AUTS2: variants seen among roughly 807,000 people sequenced by gnomAD.
The protein encoded by AUTS2 is autism susceptibility gene 2 protein.
AUTS2 carries 17 observed loss-of-function variants against 112.4 expected under a neutral mutation model. The ratio of observed to expected loss-of-function variants is 0.15; its 90% CI spans 0.10 to 0.23. The LOEUF (loss-of-function observed/expected upper bound fraction) is 0.23. Ranked by LOEUF, AUTS2 falls within the 10% of genes least tolerant of loss-of-function variation. The pLI is 1.00. For missense variants in AUTS2, 1,510 were observed against 1,701.6 expected (o/e 0.89, Z 1.98); for synonymous variants, 751 against 702.7 (o/e 1.07, Z -1.09).
intron 2 of AUTS2, among the ~76,000 whole-genome samples, chr7:69,991,050 A>G (rs915563715): frequency 6.6e-6 from 1 of 152,136 alleles, no homozygotes; most frequent in Non-Finnish European, 1.5e-5. Flanking sequence ...GAGACGAGAT[A>G]GCTTGTATTT....
intron 1 of AUTS2, among the ~76,000 whole-genome samples, chr7:69,827,917 G>T (rs1791325279): frequency 6.6e-6 from 1 of 152,176 alleles, no homozygotes; most frequent in African/African-American, 2.4e-5. Flanking sequence ...TTTGCCTCGT[G>T]TCTTTTGTAG....
rs1788791713 is a variant in AUTS2 at position 69,774,098 on chromosome 7, C to T, written c.310-125188C>T. Among the ~76,000 whole-genome samples the T allele has an allele frequency of 2.0e-5, 3 of 152,330 alleles. No homozygotes were observed. In the South Asian group the frequency reaches 6.2e-4, roughly 32 times the overall value. On this transcript the variant is annotated intron_variant, in intron 1 of 18. Transcript: ENST00000342771. The stretch of plus-strand genomic sequence containing the variant: ...CCCACCACCCCATGCTACATGTCAA[C>T]AGGGGTACTGCCTGCTAAGCAAAGA...
intron 2 of AUTS2, among the ~76,000 whole-genome samples, chr7:69,943,790 G>C (rs903295922): frequency 6.6e-6 from 1 of 152,122 alleles, no homozygotes; most frequent in Non-Finnish European, 1.5e-5. Context: ...GGACATAGAA[G>C]AATTTGGGAA....
chr7:70,262,324 G>A (rs1419530920), intron 4 of AUTS2, among the ~76,000 whole-genome samples: 4 of 151,952 alleles, frequency 2.6e-5, no homozygotes, highest in Non-Finnish European at 5.9e-5. Context: ...GGAGTAGCTG[G>A]GATTACAGGC....
intron 1 of AUTS2, among the ~76,000 whole-genome samples, chr7:69,692,060 A>G (rs1797371988): frequency 6.6e-6 from 1 of 152,182 alleles, no homozygotes; most frequent in Non-Finnish European, 1.5e-5. Flanking sequence ...CAGCGGGGCC[A>G]GTGCCTACAA....
intron 2 of AUTS2, among the ~76,000 whole-genome samples, chr7:70,043,593 CTTCCTTCCTTCCTTT>C (rs1322611423): frequency 1.2e-4 from 9 of 74,900 alleles, no homozygotes; most frequent in Non-Finnish European, 2.5e-4. Flanking sequence ...TCCTTCCTTC[CTTCCTTCCTTCCTTT>C]TTTTTTTTTT....
At chr7:70,155,256 G>C (rs1022740705) in intron 4 of AUTS2, among the ~76,000 whole-genome samples, 2 of 152,146 alleles carry the variant, frequency 1.3e-5, no homozygotes, top group East Asian at 1.9e-4. Flanking sequence ...TGGGAATAAG[G>C]CATGTCCTAG....
At chr7:70,711,577 C>T (rs569460463) in intron 6 of AUTS2, among the ~76,000 whole-genome samples, 7 of 152,296 alleles carry the variant, frequency 4.6e-5, no homozygotes, top group African/African-American at 9.6e-5. Flanking sequence ...GAAGAGTCCA[C>T]GGCAGTAACA....
chr7:69,915,852 G>C (rs1489793884), intron 2 of AUTS2, among the ~76,000 whole-genome samples: 1 of 152,082 alleles, frequency 6.6e-6, no homozygotes, highest in Non-Finnish European at 1.5e-5. Context: ...TCAGCCTCCT[G>C]AGTAGCTGGG....
At chr7:70,073,673 G>T (rs770115806) in intron 2 of AUTS2, among the ~76,000 whole-genome samples, 2 of 152,056 alleles carry the variant, frequency 1.3e-5, no homozygotes, top group Non-Finnish European at 2.9e-5. Flanking sequence ...AGGTAATATT[G>T]TTTACCAAAA....
At chr7:70,678,244 T>C (rs1210483947) in intron 5 of AUTS2, among the ~76,000 whole-genome samples, 2 of 152,176 alleles carry the variant, frequency 1.3e-5, no homozygotes, top group Non-Finnish European at 2.9e-5. Context: ...AAAGTATCCA[T>C]ACTGAATGAA....
chr7:70,539,579 T>C (rs555277510), intron 5 of AUTS2, among the ~76,000 whole-genome samples: 39 of 152,316 alleles, frequency 2.6e-4, no homozygotes, highest in African/African-American at 9.4e-4. Context: ...AAACAAGCCA[T>C]TTCCTACTCC....
chr7:69,696,905 A>G (rs1797585658), intron 1 of AUTS2, among the ~76,000 whole-genome samples: 1 of 152,252 alleles, frequency 6.6e-6, no homozygotes, highest in Non-Finnish European at 1.5e-5. Context: ...TAACACCACC[A>G]GGAAAGCTGG....
At chr7:70,472,221 C>T (rs914469453) in intron 5 of AUTS2, among the ~76,000 whole-genome samples, 1 of 152,210 alleles carries the variant, frequency 6.6e-6, no homozygotes, top group African/African-American at 2.4e-5. Flanking sequence ...CCACTGTACT[C>T]CCTTTCCTGA....
At chr7:70,171,890 A>G (rs1241525380) in intron 4 of AUTS2, among the ~76,000 whole-genome samples, 1 of 140,454 alleles carries the variant, frequency 7.1e-6, no homozygotes, top group East Asian at 2.2e-4. Flanking sequence ...TTTATTATAA[A>G]CAAGTTTTTT....
intron 2 of AUTS2, among the ~76,000 whole-genome samples, chr7:69,918,774 T>A (rs886994584): frequency 1.3e-5 from 2 of 152,238 alleles, no homozygotes; most frequent in Non-Finnish European, 1.5e-5. Flanking sequence ...AGGATAATCA[T>A]AATGATTGTA....
chr7:70,401,134 T>G (rs1044384511), intron 4 of AUTS2, among the ~76,000 whole-genome samples: 1 of 152,150 alleles, frequency 6.6e-6, no homozygotes, highest in African/African-American at 2.4e-5. Flanking sequence ...GAAATGGGAC[T>G]TAACAAATAA....
At chr7:70,096,761 A>G (rs1014378186) in intron 2 of AUTS2, among the ~76,000 whole-genome samples, 2 of 152,174 alleles carry the variant, frequency 1.3e-5, no homozygotes, top group African/African-American at 4.8e-5. Flanking sequence ...AAAATTCAGA[A>G]GGAGGATAAT....
chr7:70,415,723 C>T (rs929994631), intron 4 of AUTS2, among the ~76,000 whole-genome samples: 4 of 152,148 alleles, frequency 2.6e-5, no homozygotes, highest in Admixed American at 2.0e-4. Context: ...GGAGAGACAT[C>T]TATATTGTGG....
Sources: gnomAD v4.1 joint callset for allele counts (sites outside exome capture counted in the v4.1 genomes callset) on GRCh38, gnomAD v4.1.1 for gene constraint, MANE v1.5 for transcripts, NCBI Gene and HGNC (gene_info 2026-07-23, HGNC 2026-07-21) for gene names.